Variants in KIAA1217 observed in about 807,000 individuals in gnomAD.
The protein encoded by KIAA1217 is KIAA1217.
A neutral mutation model predicts 163.9 loss-of-function variants in KIAA1217; 88 were observed. That is an observed-to-expected ratio of 0.54 (90% CI 0.45 to 0.64). The LOEUF is 0.64. Ranked by LOEUF, KIAA1217 falls within the 30% of genes least tolerant of loss-of-function variation. The probability of loss-of-function intolerance (pLI) is 0.00; values close to 1 mark genes in which losing one functional copy is unlikely to be tolerated. For missense variants in KIAA1217, 2,372 were observed against 2,475.0 expected (o/e 0.96, Z 0.88); for synonymous variants, 903 against 923.1 (o/e 0.98, Z 0.39).
In KIAA1217 at chr10:24,544,961, C is replaced by CT. The variant is rs748312166; in HGVS notation, c.5212-19dup. 7 of 1,610,420 alleles carry CT rather than the reference C, an allele frequency of 4.3e-6. No individual in the cohort carries two copies. Among genetic ancestry groups the CT allele is most frequent in the African/African-American group, 1.3e-5 (1 of 74,788 alleles). ...ATGCGCTTCTCCTTCTCTTCCCCCTCTCACTGGTCCTTCCCACAGGGCTCC... is the reference window on the plus strand; with the variant it reads ...ATGCGCTTCTCCTTCTCTTCCCCCTCTTCACTGGTCCTTCCCACAGGGCTCC... On this transcript the variant is annotated intron_variant, in intron 19 of 20. Transcript: ENST00000376454.
intron 2 of KIAA1217, among the ~76,000 whole-genome samples, chr10:24,145,578 C>A (rs1222039789): frequency 6.6e-6 from 1 of 152,188 alleles, no homozygotes; most frequent in African/African-American, 2.4e-5. Flanking sequence ...GAGTTTATTA[C>A]GGAGTATTGA....
chr10:23,758,466 T>G (rs1426042150), intron 1 of KIAA1217, among the ~76,000 whole-genome samples: 3 of 152,196 alleles, frequency 2.0e-5, no homozygotes, highest in African/African-American at 7.2e-5. Flanking sequence ...TCATAGCCAG[T>G]TTTGAAATCA....
chr10:24,076,409 A>G (rs773762031), intron 2 of KIAA1217, among the ~76,000 whole-genome samples: 3 of 152,174 alleles, frequency 2.0e-5, no homozygotes, highest in Non-Finnish European at 4.4e-5. Context: ...AAAGACATTT[A>G]TCCTTGGCAT....
At chr10:24,247,124 C>CTTTTTTTT (rs10648557) in intron 2 of KIAA1217, among the ~76,000 whole-genome samples, 1 of 138,308 alleles carries the variant, frequency 7.2e-6, no homozygotes, top group South Asian at 2.3e-4. Context: ...ATTTTCTTTT[C>CTTTTTTTT]TTTTTTTTTT....
At position 24,544,165 on chromosome 10, in the gene KIAA1217, A is replaced by G. The variant is rs1400610001; in HGVS notation, c.4895A>G (p.Asp1632Gly). 2 of 1,614,136 alleles carry G rather than the reference A, an allele frequency of 1.2e-6. No homozygotes were observed. Among genetic ancestry groups the G allele is most frequent in the Non-Finnish European group, 1.7e-6 (2 of 1,180,030 alleles). The change falls in exon 19 of 21, where the codon GAC becomes GGC. Residue 1632 changes from aspartate (D) to glycine (G), a missense_variant. By Grantham distance (94) the Asp-to-Gly change is moderately conservative. Coordinates refer to ENST00000376454, the MANE Select transcript of KIAA1217 (RefSeq NM_019590.5). The stretch of plus-strand genomic sequence containing the variant: ...GAAATCGCTAGGTCTCAACCTGAAG[A>G]CACCCCTGAAAACACAGTGAGGAGG... ...RFEIARSQPE[D>G]TPENTVRRQE...
intron 6 of KIAA1217, among the ~76,000 whole-genome samples, chr10:24,484,241 A>ATATATATATATTTTTTTT (rs1376083298): frequency 1.3e-5 from 1 of 75,142 alleles, no homozygotes; most frequent in Non-Finnish European, 2.5e-5. Context: ...ATATATATAT[A>ATATATATATATTTTTTTT]TTTTTTTTTT....
At chr10:24,530,383 G>A (rs2072940777) in intron 14 of KIAA1217, among the ~76,000 whole-genome samples, 1 of 152,146 alleles carries the variant, frequency 6.6e-6, no homozygotes, top group African/African-American at 2.4e-5. Context: ...AAACAGTACA[G>A]TGATGGACAG....
chr10:23,730,214 A>C (rs147607996), intron 1 of KIAA1217, among the ~76,000 whole-genome samples: 145 of 152,150 alleles, frequency 9.5e-4, no homozygotes, highest in African/African-American at 3.3e-3. Flanking sequence ...ATGAATTTTA[A>C]AGTTCTGCTT....
At chr10:23,748,376 T>C (rs1839524614) in intron 1 of KIAA1217, among the ~76,000 whole-genome samples, 1 of 151,524 alleles carries the variant, frequency 6.6e-6, no homozygotes, top group African/African-American at 2.4e-5. Context: ...GTGATTTGTT[T>C]ACCCAGAATT....
At chr10:24,456,973 A>G (rs145185566) in intron 5 of KIAA1217, among the ~76,000 whole-genome samples, 4,819 of 151,984 alleles carry the variant, frequency 0.032, 245 homozygotes, top group African/African-American at 0.11. Context: ...AAGTGCTGGG[A>G]TTACAGGTGT....
At chr10:23,977,680 C>T (rs1351259294) in intron 1 of KIAA1217, among the ~76,000 whole-genome samples, 1 of 152,100 alleles carries the variant, frequency 6.6e-6, no homozygotes, top group Non-Finnish European at 1.5e-5. Flanking sequence ...TAATGAGCAC[C>T]TGTAAAAGAT....
intron 2 of KIAA1217, among the ~76,000 whole-genome samples, chr10:24,124,625 C>T (rs1034764850): frequency 7.2e-5 from 11 of 152,060 alleles, no homozygotes; most frequent in African/African-American, 2.7e-4. Flanking sequence ...CTTGCTTGCT[C>T]AAAGTTCTTA....
intron 3 of KIAA1217, among the ~76,000 whole-genome samples, chr10:24,408,777 C>T (rs1250180869): frequency 6.6e-6 from 1 of 152,186 alleles, no homozygotes; most frequent in Non-Finnish European, 1.5e-5. Flanking sequence ...GCTCTCTGGC[C>T]ACAATCTCTG....
intron 2 of KIAA1217, among the ~76,000 whole-genome samples, chr10:24,175,823 T>A (rs556170806): frequency 2.9e-4 from 44 of 152,150 alleles, no homozygotes; most frequent in Non-Finnish European, 5.6e-4. Context: ...GTTCCTCCTG[T>A]CCAGACTTGT....
chr10:24,272,261 G>C (rs567024173), intron 2 of KIAA1217, among the ~76,000 whole-genome samples: 2 of 152,204 alleles, frequency 1.3e-5, no homozygotes, highest in African/African-American at 2.4e-5. Flanking sequence ...GTCCAGGTTA[G>C]TAATAAGAAC....
intron 1 of KIAA1217, among the ~76,000 whole-genome samples, chr10:23,728,599 A>G (rs11013666): frequency 0.22 from 33,177 of 151,778 alleles, 3,865 homozygotes; most frequent in Middle Eastern, 0.29. Flanking sequence ...GTTTTCTCCC[A>G]TTCTGTAGGT....
chr10:24,304,790 A>G (rs1472893213), intron 2 of KIAA1217, among the ~76,000 whole-genome samples: 1 of 152,188 alleles, frequency 6.6e-6, no homozygotes, highest in Non-Finnish European at 1.5e-5. Flanking sequence ...GGAAGTGCAA[A>G]GCTATGTAGC....
intron 2 of KIAA1217, among the ~76,000 whole-genome samples, chr10:24,223,190 G>T (rs1307190786): frequency 6.6e-6 from 1 of 152,142 alleles, no homozygotes; most frequent in Non-Finnish European, 1.5e-5. Flanking sequence ...TGGGAATGCA[G>T]CCCAGTAGGT....
chr10:23,994,637 A>G (rs1335966872), intron 1 of KIAA1217, among the ~76,000 whole-genome samples: 1 of 152,212 alleles, frequency 6.6e-6, no homozygotes. Flanking sequence ...GTTTCTGAGC[A>G]TAGTTCAGCA....
Sources: allele counts gnomAD v4.1 joint callset (sites outside exome capture counted in the v4.1 genomes callset), GRCh38; gene constraint gnomAD v4.1.1; transcripts MANE v1.5; gene names NCBI Gene and HGNC (gene_info 2026-07-23, HGNC 2026-07-21).